The following INO80D variants were observed in gnomAD, a reference collection of about 807,000 sequenced individuals.
The protein encoded by INO80D is INO80 complex subunit D.
A neutral mutation model predicts 87.6 loss-of-function variants in INO80D; 21 were observed. That is an observed-to-expected ratio of 0.24 (90% CI 0.17 to 0.35). The LOEUF (loss-of-function observed/expected upper bound fraction) is 0.35. Among genes scored for constraint, INO80D ranks in the 10% least tolerant of loss-of-function variants. The pLI is 1.00. For synonymous variants in INO80D, 440 were observed against 491.0 expected (o/e 0.90, Z 1.37); for missense variants, 982 against 1,280.7 (o/e 0.77, Z 3.56).
chr2:206,077,580 G>A (rs1690154219), intron 1 of INO80D, among the ~76,000 whole-genome samples: 2 of 152,138 alleles, frequency 1.3e-5, no homozygotes, highest in African/African-American at 2.4e-5. Flanking sequence ...TGACTGATCT[G>A]GGTACAGTAT....
chr2:206,071,031 C>T (rs1247237351), intron 1 of INO80D, among the ~76,000 whole-genome samples: 2 of 151,820 alleles, frequency 1.3e-5, no homozygotes, highest in Non-Finnish European at 2.9e-5. Context: ...GATCTCAGCT[C>T]ACTGCAACCT....
rs1687879070 is a variant in INO80D at position 206,000,100 on chromosome 2, A to G, written c.*4268T>C. The G allele has an allele frequency of 6.6e-6, 1 of 152,322 alleles. No individual in the cohort carries two copies. The highest frequency in any genetic ancestry group is 1.9e-4 in the East Asian group (1 of 5,192). The allele number at this position is 152,322 out of a possible 1,614,324, so 9.4% of individuals were successfully genotyped here. A position where few individuals can be genotyped will look rare whatever the true frequency, so the allele number is the denominator to read the frequency against. On this transcript the variant is annotated 3_prime_UTR_variant, in exon 11 of 11. Coordinates refer to ENST00000403263, the MANE Select transcript of INO80D (RefSeq NM_017759.5). ...GAAATTTTCTTTCAAGGAATCCTCT[A>G]AATTGCCTCATTAAACTGGAGAGTT... is the stretch of plus-strand genomic sequence containing the variant.
At chr2:206,042,535 AGCCAGGCGTGGTG>A (rs1209373549) in intron 5 of INO80D, among the ~76,000 whole-genome samples, 1 of 152,038 alleles carries the variant, frequency 6.6e-6, no homozygotes, top group Non-Finnish European at 1.5e-5. Flanking sequence ...TAGAAAAGTT[AGCCAGGCGTGGTG>A]GCTGGCGCCT....
At chr2:206,054,821 G>GC (rs1559455368) in intron 4 of INO80D, among the ~76,000 whole-genome samples, 1 of 151,918 alleles carries the variant, frequency 6.6e-6, no homozygotes, top group Non-Finnish European at 1.5e-5. Flanking sequence ...GCCTATTTTT[G>GC]TTTTTTTAGA....
intron 4 of INO80D, 141 bp downstream of exon 4, chr2:206,056,057 C>T (rs932584586): frequency 1.3e-6 from 1 of 780,402 alleles, no homozygotes; most frequent in Non-Finnish European, 2.0e-6. Context: ...TACCTAAATA[C>T]AGAATCTTTC....
At chr2:206,022,806 C>A (rs893002702) in intron 6 of INO80D, among the ~76,000 whole-genome samples, 1 of 152,116 alleles carries the variant, frequency 6.6e-6, no homozygotes, top group Non-Finnish European at 1.5e-5. Flanking sequence ...TTCTGCCTCC[C>A]GGGTTCAAGC....
At chr2:206,056,970 AAC>A in intron 3 of INO80D, 27 bp from the exon 4 acceptor site, 1 of 1,532,968 alleles carries the variant, frequency 6.5e-7, no homozygotes, top group Non-Finnish European at 8.8e-7. Context: ...TACATGGGAA[AAC>A]AGTCATGATA....
intron 1 of INO80D, among the ~76,000 whole-genome samples, chr2:206,068,491 T>G (rs1032850485): frequency 6.6e-6 from 1 of 152,192 alleles, no homozygotes; most frequent in African/African-American, 2.4e-5. Flanking sequence ...AAAGTTTTAT[T>G]GGAACACAGC....
Position 205,999,782 on chromosome 2 carries a change from GGTA to G in INO80D, c.*4583_*4585del, listed in dbSNP as rs762370383. 4 of 152,106 alleles carry G rather than the reference GGTA, an allele frequency of 2.6e-5. No homozygotes were observed. Among genetic ancestry groups the G allele is most frequent in the Non-Finnish European group, 5.9e-5 (4 of 68,020 alleles). The allele number at this position is 152,106 out of a possible 1,614,324, so 9.4% of individuals were successfully genotyped here. ...GTATTTTATTACAAATTATTGGAAAGGTAGTATTTAAAATGTTACTTTAATCTA... is the reference window on the plus strand; with the variant it reads ...GTATTTTATTACAAATTATTGGAAAGGTATTTAAAATGTTACTTTAATCTA... On this transcript the variant is annotated 3_prime_UTR_variant, in exon 11 of 11. Coordinates refer to ENST00000403263, the MANE Select transcript of INO80D (RefSeq NM_017759.5).
chr2:206,024,894 T>C (rs1688562139), intron 6 of INO80D, among the ~76,000 whole-genome samples: 1 of 152,058 alleles, frequency 6.6e-6, no homozygotes, highest in African/African-American at 2.4e-5. Context: ...TAGCTGGGAC[T>C]ACAGGTGCCC....
chr2:206,079,077 C>CT (rs745848869), intron 1 of INO80D, among the ~76,000 whole-genome samples: 536 of 148,270 alleles, frequency 3.6e-3, no homozygotes, highest in Non-Finnish European at 4.2e-3. Context: ...TAGGCTTTAT[C>CT]TTTTTTTTTT....
chr2:206,031,819 T>G (rs1424051068), intron 5 of INO80D, among the ~76,000 whole-genome samples: 1 of 152,194 alleles, frequency 6.6e-6, no homozygotes, highest in Non-Finnish European at 1.5e-5. Context: ...CTGAAGGAAG[T>G]GGACTGCTCC....
intron 8 of INO80D, among the ~76,000 whole-genome samples, chr2:206,012,052 C>T (rs1688189501): frequency 6.6e-6 from 1 of 152,192 alleles, no homozygotes; most frequent in Non-Finnish European, 1.5e-5. Flanking sequence ...ATAATCCCAA[C>T]ACTTTGGGAG....
chr2:206,075,390 T>C lies in INO80D; in HGVS notation c.-124+10511A>G, dbSNP rs1453401808. On this transcript the variant is annotated intron_variant, in intron 1 of 10. Coordinates refer to ENST00000403263, the MANE Select transcript of INO80D (RefSeq NM_017759.5). ...TTTTCTCTAATTGCCATCTGTAATT[T>C]TATATCCTACCACTTTTAAAGAGCC... 3.3e-5 allele frequency among the ~76,000 whole-genome samples: 5 copies of C among 152,184 alleles called. No homozygotes were observed. The East Asian group carries it at 9.6e-4, about 29-fold the overall frequency.
rs187700347 is a variant in INO80D, at chr2:206,056,145, G to A, written c.964+53C>T. ...TATGAAAGGGAAGCTCCACACAACC[G>A]AACACATTTTGTCATATTATGTGTC... On this transcript the variant is annotated intron_variant, in intron 4 of 10. Coordinates refer to ENST00000403263, the MANE Select transcript of INO80D (RefSeq NM_017759.5). The A allele has an allele frequency of 6.7e-4, 1,001 of 1,495,464 alleles. 5 individuals carry two copies. The African/African-American group carries it at 0.012, about 18-fold the overall frequency. The allele number at this position is 1,495,464 out of a possible 1,614,324, so 92.6% of individuals were successfully genotyped here. A position where few individuals can be genotyped will look rare whatever the true frequency, so the allele number is the denominator to read the frequency against.
chr2:206,077,909 C>G (rs1489027539), intron 1 of INO80D, among the ~76,000 whole-genome samples: 1 of 151,824 alleles, frequency 6.6e-6, no homozygotes, highest in East Asian at 1.9e-4. Flanking sequence ...CTCTTGACCC[C>G]CTTGCTTCCA....
intron 1 of INO80D, among the ~76,000 whole-genome samples, chr2:206,079,491 G>T (rs981962270): frequency 6.6e-6 from 1 of 152,124 alleles, no homozygotes; most frequent in African/African-American, 2.4e-5. Context: ...TTCAGCAGCC[G>T]TCTGTGAGGA....
At chr2:206,053,695 T>G (rs919565614) in intron 4 of INO80D, among the ~76,000 whole-genome samples, 3 of 152,218 alleles carry the variant, frequency 2.0e-5, no homozygotes, top group African/African-American at 7.2e-5. Context: ...ATCAGGCCAA[T>G]AGCCATATAC....
chr2:206,026,363 T>C (rs911031442), intron 6 of INO80D, among the ~76,000 whole-genome samples: 1 of 151,936 alleles, frequency 6.6e-6, no homozygotes, highest in Non-Finnish European at 1.5e-5. Context: ...CTGGCCAACA[T>C]GGTGAAACCC....
Sources: allele counts gnomAD v4.1 joint callset (sites outside exome capture counted in the v4.1 genomes callset), GRCh38; gene constraint gnomAD v4.1.1; transcripts MANE v1.5; gene names NCBI Gene and HGNC (gene_info 2026-07-23, HGNC 2026-07-21).